Variants in ADAMTS3 observed in about 807,000 individuals in gnomAD.
The protein encoded by ADAMTS3 is A disintegrin and metalloproteinase with thrombospondin motifs 3.
Under a neutral mutation model 129.0 loss-of-function variants are expected in ADAMTS3, and 73 were observed. The observed-to-expected ratio is 0.57, with a 90% confidence interval of 0.47 to 0.69. The LOEUF is 0.69. Ranked by LOEUF, ADAMTS3 falls within the 30% of genes least tolerant of loss-of-function variation. The pLI is 0.00. For synonymous variants in ADAMTS3, 477 were observed against 510.8 expected (o/e 0.93, Z 0.89); for missense variants, 1,457 against 1,514.5 (o/e 0.96, Z 0.63).
Position 72,283,571 on chromosome 4 carries a change from G to T in ADAMTS3, c.3183C>A (p.Tyr1061Ter). The stretch of plus-strand genomic sequence containing the variant: ...CATGAGTTTCAGCAGCTTCTAGAAG[G>T]TATGGTGGTGGCAGGGTGCTACTGC... ...SKRSSTLPPP[Y>*]LLEAAETHDD... The change falls in exon 22 of 22, where the codon TAC (tyrosine) becomes TAA (stop). Residue 1061 changes from tyrosine (Y) to a stop codon, truncating the protein, a stop_gained. Coordinates refer to ENST00000286657, the MANE Select transcript of ADAMTS3 (RefSeq NM_014243.3). LOFTEE classifies it low-confidence loss of function (END_TRUNC). The T allele has an allele frequency of 6.2e-7, 1 of 1,614,030 alleles. No homozygotes were observed. Among genetic ancestry groups the T allele is most frequent in the Non-Finnish European group, 8.5e-7 (1 of 1,179,960 alleles).
At chr4:72,291,304 GGTTA>G (rs1456385394) in intron 19 of ADAMTS3, among the ~76,000 whole-genome samples, 2 of 151,976 alleles carry the variant, frequency 1.3e-5, no homozygotes, top group Non-Finnish European at 2.9e-5. Flanking sequence ...ACAATGTGCA[GGTTA>G]GTTACATATG....
intron 3 of ADAMTS3, among the ~76,000 whole-genome samples, chr4:72,513,310 A>T (rs903679768): frequency 2.6e-5 from 4 of 152,142 alleles, no homozygotes; most frequent in Non-Finnish European, 4.4e-5. Context: ...TTCCCTCTTC[A>T]TTCACAGCAG....
intron 4 of ADAMTS3, among the ~76,000 whole-genome samples, chr4:72,389,958 A>C (rs1721547598): frequency 6.6e-6 from 1 of 152,152 alleles, no homozygotes; most frequent in African/African-American, 2.4e-5. Flanking sequence ...ATGTGTATAC[A>C]CACATATAGG....
chr4:72,500,383 C>G (rs1719983755), intron 3 of ADAMTS3, among the ~76,000 whole-genome samples: 1 of 152,052 alleles, frequency 6.6e-6, no homozygotes, highest in Admixed American at 6.6e-5. Flanking sequence ...TGATATTGAG[C>G]ATTTTTTCAC....
At chr4:72,472,562 T>C (rs1030269422) in intron 3 of ADAMTS3, among the ~76,000 whole-genome samples, 1 of 152,230 alleles carries the variant, frequency 6.6e-6, no homozygotes, top group Admixed American at 6.5e-5. Flanking sequence ...TTTAAGAACC[T>C]GACAATGTCA....
intron 4 of ADAMTS3, among the ~76,000 whole-genome samples, chr4:72,402,553 A>C (rs1021825815): frequency 6.6e-6 from 1 of 152,116 alleles, no homozygotes; most frequent in African/African-American, 2.4e-5. Flanking sequence ...GAATTAGCTG[A>C]AACATGTTAG....
intron 3 of ADAMTS3, among the ~76,000 whole-genome samples, chr4:72,491,874 A>G (rs926896534): frequency 7.9e-5 from 12 of 151,784 alleles, no homozygotes; most frequent in African/African-American, 2.7e-4. Flanking sequence ...AAATTCACCT[A>G]TGAAGCCATC....
chr4:72,481,288 T>G lies in ADAMTS3; in HGVS notation c.505-66317A>C, dbSNP rs766451164. ...ATAAAGCAGGAATAATCAGTATACCTAATTTCAAGACTTTTACAGCTACAG... is the reference window on the plus strand; with the variant it reads ...ATAAAGCAGGAATAATCAGTATACCGAATTTCAAGACTTTTACAGCTACAG... On this transcript the variant is annotated intron_variant, in intron 3 of 21. Coordinates refer to ENST00000286657, the MANE Select transcript of ADAMTS3 (RefSeq NM_014243.3). Among the ~76,000 whole-genome samples the G allele has an allele frequency of 2.2e-4, 33 of 152,308 alleles. No homozygotes were observed. The Middle Eastern group carries it at 0.02, about 94-fold the overall frequency.
chr4:72,440,266 C>G (rs1223242048), intron 3 of ADAMTS3, among the ~76,000 whole-genome samples: 1 of 151,690 alleles, frequency 6.6e-6, no homozygotes, highest in Non-Finnish European at 1.5e-5. Context: ...ATCCACACAT[C>G]AAAGTATACT....
At chr4:72,561,889 C>T (rs1481295477) in intron 2 of ADAMTS3, among the ~76,000 whole-genome samples, 1 of 152,166 alleles carries the variant, frequency 6.6e-6, no homozygotes, top group South Asian at 2.1e-4. Context: ...CATTTTACCA[C>T]AAAATTTCTC....
chr4:72,549,039 C>A (rs938121427), intron 2 of ADAMTS3, among the ~76,000 whole-genome samples, 155 bp from the exon 3 acceptor site: 1 of 152,006 alleles, frequency 6.6e-6, no homozygotes, highest in African/African-American at 2.4e-5. Flanking sequence ...ATTTTGAGAA[C>A]AAAAATCATT....
intron 2 of ADAMTS3, among the ~76,000 whole-genome samples, chr4:72,556,067 T>C (rs1485217447): frequency 6.6e-6 from 1 of 151,776 alleles, no homozygotes; most frequent in African/African-American, 2.4e-5. Flanking sequence ...CAATTACTTT[T>C]GCACCAACCT....
intron 4 of ADAMTS3, among the ~76,000 whole-genome samples, chr4:72,395,222 T>C (rs1406497847): frequency 1.3e-5 from 2 of 152,104 alleles, no homozygotes; most frequent in South Asian, 2.1e-4. Context: ...CAGCTGCACA[T>C]ATGGCAAAAG....
chr4:72,315,976 AAGAT>A lies in ADAMTS3; in HGVS notation c.1486-9_1486-6del. The A allele has an allele frequency of 6.4e-7, 1 of 1,569,296 alleles. No individual in the cohort carries two copies. Among genetic ancestry groups the A allele is most frequent in the Non-Finnish European group, 8.7e-7 (1 of 1,145,048 alleles). ...ACATGGGTCAAAGGTTCGGAACTGG[AAGAT>A]AGATAATCAAATTGTCAGTGAACTC... On this transcript the variant is annotated splice_polypyrimidine_tract_variant and splice_region_variant and intron_variant, in intron 10 of 21. Transcript: ENST00000286657.
At chr4:72,374,767 C>G (rs1176273418) in intron 4 of ADAMTS3, among the ~76,000 whole-genome samples, 1 of 152,042 alleles carries the variant, frequency 6.6e-6, no homozygotes, top group African/African-American at 2.4e-5. Context: ...AAATGTGGAA[C>G]CTGTTACTAT....
chr4:72,450,712 T>C (rs972582014), intron 3 of ADAMTS3, among the ~76,000 whole-genome samples: 3 of 151,534 alleles, frequency 2.0e-5, no homozygotes, highest in African/African-American at 7.3e-5. Flanking sequence ...ATGAAGCTTC[T>C]CTCAATCAAA....
intron 3 of ADAMTS3, among the ~76,000 whole-genome samples, chr4:72,536,929 A>T (rs993610831): frequency 2.0e-5 from 3 of 152,216 alleles, no homozygotes; most frequent in African/African-American, 7.2e-5. Context: ...CATTTTATAA[A>T]ATTAAAATGT....
intron 5 of ADAMTS3, among the ~76,000 whole-genome samples, chr4:72,334,788 A>G (rs904711027): frequency 6.6e-6 from 1 of 152,208 alleles, no homozygotes; most frequent in African/African-American, 2.4e-5. Flanking sequence ...ATGGAATCCT[A>G]AGAAAGGCTT....
intron 2 of ADAMTS3, among the ~76,000 whole-genome samples, chr4:72,553,363 C>G (rs979729746): frequency 1.3e-5 from 2 of 152,144 alleles, no homozygotes; most frequent in African/African-American, 4.8e-5. Context: ...TTCTTAAGAG[C>G]AGGAAGCAGG....
Sources: allele counts gnomAD v4.1 joint callset (sites outside exome capture counted in the v4.1 genomes callset), GRCh38; gene constraint gnomAD v4.1.1; transcripts MANE v1.5; gene names NCBI Gene and HGNC (gene_info 2026-07-23, HGNC 2026-07-21).